Variants in SLK observed in about 807,000 individuals in gnomAD.
SLK encodes the protein STE20-like serine/threonine-protein kinase.
Under a neutral mutation model 147.7 loss-of-function variants are expected in SLK, and 67 were observed. That is an observed-to-expected ratio of 0.45 (90% confidence interval 0.37 to 0.56). The LOEUF is 0.56. SLK is among the 20% of genes least tolerant of loss of function. The probability of loss-of-function intolerance (pLI) is 0.00; values close to 1 mark genes in which losing one functional copy is unlikely to be tolerated. For synonymous variants in SLK, 441 were observed against 475.0 expected (o/e 0.93, Z 0.93); for missense variants, 1,136 against 1,438.8 (o/e 0.79, Z 3.41).
At chr10:103,984,162 G>A (rs1211926504) in intron 1 of SLK, among the ~76,000 whole-genome samples, 1 of 152,142 alleles carries the variant, frequency 6.6e-6, no homozygotes, top group African/African-American at 2.4e-5. Flanking sequence ...AAAGTGCAGA[G>A]AACAGTGCCT....
rs779459495 is a variant in SLK at position 104,003,365 on chromosome 10, A to G, written c.2187A>G (p.Leu729=). 8.1e-6 allele frequency: 13 copies of G among 1,613,950 alleles called. No individual in the cohort carries two copies. In the Admixed American group the frequency reaches 2.0e-4, roughly 25 times the overall value. Reference sequence around the variant, plus strand: ...AAAATAAAGAAGAAATAGGTTCTTTATCAAAAACTGAAACTATTCTGCCAC... The same window carrying G: ...AAAATAAAGAAGAAATAGGTTCTTTGTCAAAAACTGAAACTATTCTGCCAC... ...SGENKEEIGS[L]SKTETILPPE... The change falls in exon 9 of 19, where the codon TTA becomes TTG. Residue 729 remains leucine (L), a synonymous_variant. Transcript: ENST00000369755.
chr10:104,021,741 T>C lies in SLK; in HGVS notation c.3561+8T>C, dbSNP rs1844537179. Reference sequence around the variant, plus strand: ...TTGAGACCTAGGAAAAAGGTAATTTTAAAAGCTTTAATTAAAATGATATGT... The same window carrying C: ...TTGAGACCTAGGAAAAAGGTAATTTCAAAAGCTTTAATTAAAATGATATGT... On this transcript the variant is annotated splice_region_variant and intron_variant, in intron 18 of 18. Coordinates refer to ENST00000369755, the MANE Select transcript of SLK (RefSeq NM_014720.4). 22 of 1,452,984 alleles carry C rather than the reference T, an allele frequency of 1.5e-5. No individual in the cohort carries two copies. Among genetic ancestry groups the C allele is most frequent in the Non-Finnish European group, 2.1e-5 (22 of 1,038,074 alleles). 90.0% of individuals were successfully genotyped at this position (1,452,984 alleles called of 1,614,324 possible).
At chr10:104,010,745 A>C in intron 12 of SLK, 71 bp from the exon 13 acceptor site, 4 of 940,036 alleles carry the variant, frequency 4.3e-6, no homozygotes, top group Non-Finnish European at 6.2e-6. Context: ...CTTGTAGCTT[A>C]TCTGCTCTCA....
At chr10:103,984,844 G>C (rs534199278) in intron 1 of SLK, among the ~76,000 whole-genome samples, 2 of 152,322 alleles carry the variant, frequency 1.3e-5, no homozygotes, top group Middle Eastern at 3.4e-3. Flanking sequence ...TTTGCACATT[G>C]TCAGCATCTA....
At position 104,026,180 on chromosome 10, in the gene SLK, G is replaced by A. The variant is rs1159897734; in HGVS notation, c.*460G>A. 1.3e-5 allele frequency: 2 copies of A among 152,878 alleles called. No homozygotes were observed. Among genetic ancestry groups the A allele is most frequent in the African/African-American group, 4.8e-5 (2 of 41,430 alleles). 9.5% of individuals were successfully genotyped at this position (152,878 alleles called of 1,614,324 possible). On this transcript the variant is annotated 3_prime_UTR_variant, in exon 19 of 19. Transcript: ENST00000369755. ...GGATCAGCTCTCATAAAAAAGCTAT[G>A]ATTTGCTCAAATATGCTGTTGACTC...
At chr10:103,978,764 A>C (rs1383098197) in intron 1 of SLK, among the ~76,000 whole-genome samples, 1 of 152,182 alleles carries the variant, frequency 6.6e-6, no homozygotes, top group Non-Finnish European at 1.5e-5. Context: ...TTTAATTTAT[A>C]AGATGATCAA....
intron 9 of SLK, 46 bp from the exon 10 acceptor site, chr10:104,005,515 C>T (rs753572016): frequency 1.3e-6 from 2 of 1,543,242 alleles, no homozygotes; most frequent in Admixed American, 2.2e-5. Flanking sequence ...TTTTCTACCT[C>T]CAGTATTCCT....
chr10:103,991,353 G>C (rs1589532122), intron 2 of SLK, among the ~76,000 whole-genome samples: 1 of 152,036 alleles, frequency 6.6e-6, no homozygotes, highest in East Asian at 1.9e-4. Context: ...AAAATATTAA[G>C]GTACAAGTAG....
chr10:103,980,155 C>T (rs556778389), intron 1 of SLK, among the ~76,000 whole-genome samples: 14 of 152,188 alleles, frequency 9.2e-5, no homozygotes, highest in Non-Finnish European at 1.5e-4. Flanking sequence ...AATGGATGTC[C>T]GTACGCACAT....
chr10:104,025,933 G>T lies in SLK; in HGVS notation c.*213G>T. 3 of 424,376 alleles carry T rather than the reference G, an allele frequency of 7.1e-6. No individual in the cohort carries two copies. Among genetic ancestry groups the T allele is most frequent in the Non-Finnish European group, 8.3e-6 (2 of 240,714 alleles). 26.3% of individuals were successfully genotyped at this position (424,376 alleles called of 1,614,324 possible). On this transcript the variant is annotated 3_prime_UTR_variant, in exon 19 of 19. Transcript: ENST00000369755. The stretch of plus-strand genomic sequence containing the variant: ...GACGCTAGGCCATGTTGGCAAAGTA[G>T]CATCTTGGTGACTAAGGTGACTTTG...
At position 104,002,529 on chromosome 10, in the gene SLK, A is replaced by G; in HGVS notation, c.1351A>G (p.Lys451Glu). The G allele has an allele frequency of 6.2e-7, 1 of 1,610,398 alleles. No homozygotes were observed. Reference sequence around the variant, plus strand: ...GGACATTAATTCAGTCAGTGAAGGAAAAGAGAATAATATAATGATAACCTT... The same window carrying G: ...GGACATTAATTCAGTCAGTGAAGGAGAAGAGAATAATATAATGATAACCTT... The part of the protein sequence containing the change: ...TVDINSVSEG[K>E]ENNIMITLET... Residue 451 changes from lysine (K) to glutamate (E), a missense_variant, in exon 9 of 19, where the codon AAA (lysine) becomes GAA (glutamate). Physicochemically the swap from Lys to Glu is moderately conservative, Grantham distance 56. Transcript: ENST00000369755.
chr10:104,001,875 C>G (rs989143194), intron 8 of SLK, among the ~76,000 whole-genome samples: 1 of 151,978 alleles, frequency 6.6e-6, no homozygotes, highest in African/African-American at 2.4e-5. Flanking sequence ...GCCACCACAC[C>G]CAACTAATTT....
intron 4 of SLK, among the ~76,000 whole-genome samples, chr10:103,994,181 T>C (rs1844136080): frequency 6.6e-6 from 1 of 152,114 alleles, no homozygotes; most frequent in South Asian, 2.1e-4. Context: ...AACCTTTTGA[T>C]TGTGAAAAAT....
At chr10:103,981,140 C>G (rs1589527364) in intron 1 of SLK, among the ~76,000 whole-genome samples, 2 of 151,996 alleles carry the variant, frequency 1.3e-5, no homozygotes, top group East Asian at 3.9e-4. Context: ...GGAGAAATAC[C>G]TGTTCGGCTC....
Position 104,022,579 on chromosome 10 carries a change from G to C in SLK, c.3561+846G>C, listed in dbSNP as rs147880243. Among the ~76,000 whole-genome samples the C allele has an allele frequency of 1.3e-3, 200 of 152,312 alleles. 1 individual carries two copies. The highest frequency in any genetic ancestry group is 4.6e-3 in the African/African-American group (193 of 41,558). On this transcript the variant is annotated intron_variant, in intron 18 of 18. Coordinates refer to ENST00000369755, the MANE Select transcript of SLK (RefSeq NM_014720.4). ...TGTATTTAGCTATGTGCCAAAGGAA[G>C]TGAAATGACTAAATGAGTTCATAGT... is the stretch of plus-strand genomic sequence containing the variant.
chr10:104,020,287 A>G (rs1363197908), intron 16 of SLK, among the ~76,000 whole-genome samples: 2 of 152,254 alleles, frequency 1.3e-5, no homozygotes, highest in Non-Finnish European at 1.5e-5. Context: ...ATCACTAAGC[A>G]GATAGGAGGA....
At chr10:104,015,825 C>T (rs146165335) in intron 13 of SLK, among the ~76,000 whole-genome samples, 3 of 152,146 alleles carry the variant, frequency 2.0e-5, no homozygotes, top group African/African-American at 7.2e-5. Context: ...TCACCCCATC[C>T]TTTACTTTTG....
At chr10:104,006,847 A>G (rs1468521131) in intron 11 of SLK, among the ~76,000 whole-genome samples, 2 of 152,182 alleles carry the variant, frequency 1.3e-5, no homozygotes, top group Non-Finnish European at 2.9e-5. Flanking sequence ...GAGTATTTTT[A>G]TAGTACTTAT....
At chr10:103,996,094 T>C (rs892085674) in intron 4 of SLK, among the ~76,000 whole-genome samples, 3 of 152,198 alleles carry the variant, frequency 2.0e-5, no homozygotes, top group Non-Finnish European at 4.4e-5. Flanking sequence ...TATCTGAAGC[T>C]CAGCTTTTGG....
Sources: gnomAD v4.1 joint callset for allele counts (sites outside exome capture counted in the v4.1 genomes callset) on GRCh38, gnomAD v4.1.1 for gene constraint, MANE v1.5 for transcripts, NCBI Gene and HGNC (gene_info 2026-07-23, HGNC 2026-07-21) for gene names.